PLCE1: variants seen among roughly 807,000 people sequenced by gnomAD.
PLCE1 encodes the protein phospholipase C epsilon 1.
In PLCE1, 119 loss-of-function variants were observed where a neutral mutation model predicts 242.8. The observed-to-expected ratio is 0.49, with a 90% CI of 0.42 to 0.57. The LOEUF is 0.57. PLCE1 is among the 20% of genes least tolerant of loss of function. PLCE1 has a pLI of 0.00. For missense variants in PLCE1, 2,441 were observed against 2,788.8 expected (o/e 0.88, Z 2.81); for synonymous variants, 945 against 1,017.4 (o/e 0.93, Z 1.35).
intron 4 of PLCE1, among the ~76,000 whole-genome samples, chr10:94,187,141 CAT>C (rs1236200269): frequency 4.0e-5 from 5 of 126,324 alleles, no homozygotes; most frequent in African/African-American, 1.3e-4. Context: ...CAAGATGAAA[CAT>C]ATATGTGTGT....
chr10:94,205,719 C>T (rs751572515), intron 4 of PLCE1, among the ~76,000 whole-genome samples: 3 of 152,220 alleles, frequency 2.0e-5, no homozygotes, highest in Non-Finnish European at 2.9e-5. Flanking sequence ...GATCTCTAAA[C>T]GGTTCATCTG....
At chr10:94,151,529 A>T (rs1030659653) in intron 3 of PLCE1, among the ~76,000 whole-genome samples, 1 of 152,218 alleles carries the variant, frequency 6.6e-6, no homozygotes, top group Admixed American at 6.5e-5. Flanking sequence ...AGATGCTGGG[A>T]CATTCAAATA....
At chr10:94,313,057 G>A (rs1403740779) in intron 27 of PLCE1, among the ~76,000 whole-genome samples, 197 bp from the exon 28 acceptor site, 3 of 152,162 alleles carry the variant, frequency 2.0e-5, no homozygotes, top group Non-Finnish European at 2.9e-5. Flanking sequence ...TAATATTTTG[G>A]TGATGTGCTT....
rs71031569 is a variant in PLCE1, at chr10:94,329,776, C to CAAAAAAAAAAAAAAAAAAAAAAAAAAAA, written c.*1841_*1868dup. On this transcript the variant is annotated 3_prime_UTR_variant, in exon 33 of 33. Coordinates refer to ENST00000371380, the MANE Select transcript of PLCE1 (RefSeq NM_016341.4). ...CTGGTGACAGAGCGAGACTCCGTCT[C>CAAAAAAAAAAAAAAAAAAAAAAAAAAAA]AAAAAAAAAAAAAAAAAAAAAAAAA... The CAAAAAAAAAAAAAAAAAAAAAAAAAAAA allele has an allele frequency of 5.3e-5, 2 of 37,942 alleles. No homozygotes were observed. Among genetic ancestry groups the CAAAAAAAAAAAAAAAAAAAAAAAAAAAA allele is most frequent in the Admixed American group, 5.3e-4 (1 of 1,894 alleles). The allele number at this position is 37,942 out of a possible 1,614,324, so 2.4% of individuals were successfully genotyped here.
chr10:94,220,843 T>C (rs2049716651), intron 4 of PLCE1, among the ~76,000 whole-genome samples: 1 of 152,184 alleles, frequency 6.6e-6, no homozygotes, highest in South Asian at 2.1e-4. Flanking sequence ...TTAGATGGCT[T>C]GCCTCAGGGG....
chr10:94,183,124 T>A (rs1304425231), intron 4 of PLCE1, among the ~76,000 whole-genome samples: 1 of 152,190 alleles, frequency 6.6e-6, no homozygotes, highest in Admixed American at 6.5e-5. Context: ...GCTGACCCTA[T>A]TAGGATGTTT....
chr10:94,308,938 G>T (rs2053293694), intron 27 of PLCE1, among the ~76,000 whole-genome samples: 1 of 152,202 alleles, frequency 6.6e-6, no homozygotes, highest in African/African-American at 2.4e-5. Flanking sequence ...GATGAGAAAG[G>T]TAGAGCTAAG....
At chr10:94,325,332 C>G in intron 32 of PLCE1, 1 of 437,858 alleles carries the variant, frequency 2.3e-6, no homozygotes, top group South Asian at 2.1e-5. Flanking sequence ...GGCGTGGTGG[C>G]GCATGCCTGT....
At chr10:94,273,811 G>A in intron 19 of PLCE1, 91 bp downstream of exon 19, 2 of 1,200,848 alleles carry the variant, frequency 1.7e-6, no homozygotes, top group Non-Finnish European at 1.2e-6. Flanking sequence ...TGACCTGCTG[G>A]TTTACTAGTT....
chr10:94,138,506 G>T, intron 3 of PLCE1: 1 of 467,410 alleles, frequency 2.1e-6, no homozygotes, highest in South Asian at 1.7e-5. Context: ...CGTAGTAATG[G>T]AGATGTTCCA....
At chr10:94,197,329 A>G (rs1285515866) in intron 4 of PLCE1, among the ~76,000 whole-genome samples, 1 of 152,120 alleles carries the variant, frequency 6.6e-6, no homozygotes, top group Non-Finnish European at 1.5e-5. Context: ...ATATGTTTTT[A>G]TTTATCTTGA....
intron 1 of PLCE1, among the ~76,000 whole-genome samples, chr10:94,013,332 C>A (rs1240265464): frequency 6.6e-6 from 1 of 152,120 alleles, no homozygotes; most frequent in East Asian, 1.9e-4. Flanking sequence ...AGCATATCAC[C>A]ATGCCAAGGT....
intron 4 of PLCE1, among the ~76,000 whole-genome samples, chr10:94,171,987 A>T (rs2047997209): frequency 6.6e-6 from 1 of 152,172 alleles, no homozygotes; most frequent in African/African-American, 2.4e-5. Context: ...ATTGAGGGGC[A>T]GTGAATCACC....
At position 94,171,347 on chromosome 10, in the gene PLCE1, G is replaced by T; in HGVS notation, c.1660G>T (p.Asp554Tyr). 6.2e-7 allele frequency: 1 copy of T among 1,614,118 alleles called. No individual in the cohort carries two copies. The highest frequency in any genetic ancestry group is 8.5e-7 in the Non-Finnish European group (1 of 1,180,002). ...TATTTACCGCAGGGTCTTGCCAGTC[G>T]ACTACCTTTGCTTCTTAACACGGGA... is the stretch of plus-strand genomic sequence containing the variant. ...QTIYRRVLPV[D>Y]YLCFLTRDLG... is the part of the protein sequence containing the mutation. The change falls in exon 4 of 33, where the codon GAC (aspartate) becomes TAC (tyrosine). Residue 554 changes from aspartate to tyrosine, a missense_variant. Coordinates refer to ENST00000371380, the MANE Select transcript of PLCE1 (RefSeq NM_016341.4).
chr10:94,116,795 C>T (rs2046145113), intron 2 of PLCE1, among the ~76,000 whole-genome samples: 1 of 152,218 alleles, frequency 6.6e-6, no homozygotes, highest in African/African-American at 2.4e-5. Flanking sequence ...ATTTACCCAG[C>T]CAGTAATGGC....
intron 29 of PLCE1, 79 bp from the exon 30 acceptor site, chr10:94,321,822 C>CTCAGA (rs2053816261): frequency 9.5e-7 from 1 of 1,047,896 alleles, no homozygotes; most frequent in Admixed American, 1.9e-5. Context: ...AAGATACAAG[C>CTCAGA]TCAGATTTTT....
chr10:94,290,711 A>G (rs910863902), intron 22 of PLCE1, among the ~76,000 whole-genome samples: 18 of 151,986 alleles, frequency 1.2e-4, no homozygotes, highest in Non-Finnish European at 2.4e-4. Flanking sequence ...ATATATATAT[A>G]TACACACACA....
At chr10:94,254,053 A>T in intron 9 of PLCE1, 137 bp from the exon 10 acceptor site, 1 of 763,236 alleles carries the variant, frequency 1.3e-6, no homozygotes, top group Non-Finnish European at 2.4e-6. Context: ...GTCAGCCTTA[A>T]TGTAGGTCTT....
Position 94,234,090 on chromosome 10 carries a change from C to T in PLCE1, c.1992C>T (p.Asp664=). Residue 664 remains aspartate (D), a synonymous_variant, in exon 6 of 33, where the codon GAC becomes GAT. Transcript: ENST00000371380. ...TTTTAAAAATGTGGCAGTTCATGGA[C>T]CAGTCTGATATTGAGACCATGAGGA... The part of the protein sequence containing the change: ...RKVLKMWQFM[D]QSDIETMRSL... 6.2e-7 allele frequency: 1 copy of T among 1,613,832 alleles called. No homozygotes were observed. Among genetic ancestry groups the T allele is most frequent in the South Asian group, 1.1e-5 (1 of 91,072 alleles).
Sources: gnomAD v4.1 joint callset for allele counts (sites outside exome capture counted in the v4.1 genomes callset) on GRCh38, gnomAD v4.1.1 for gene constraint, MANE v1.5 for transcripts, NCBI Gene and HGNC (gene_info 2026-07-23, HGNC 2026-07-21) for gene names.